ATP2B1: variants seen among roughly 807,000 people sequenced by gnomAD.
ATP2B1 encodes the protein ATPase plasma membrane Ca2+ transporting 1.
A neutral mutation model predicts 124.2 loss-of-function variants in ATP2B1; 14 were observed. The observed-to-expected ratio is 0.11, with a 90% CI of 0.07 to 0.18. The LOEUF is 0.18. Among genes scored for constraint, ATP2B1 ranks in the 10% least tolerant of loss-of-function variants. The pLI is 1.00. For synonymous variants in ATP2B1, 449 were observed against 492.4 expected (o/e 0.91, Z 1.17); for missense variants, 763 against 1,466.1 (o/e 0.52, Z 7.83).
intron 9 of ATP2B1, among the ~76,000 whole-genome samples, 172 bp downstream of exon 9, chr12:89,624,011 T>C (rs1337254852): frequency 6.6e-6 from 1 of 152,122 alleles, no homozygotes; most frequent in Non-Finnish European, 1.5e-5. Context: ...TTCAGAGATA[T>C]TCAACTGGTG....
At chr12:89,675,568 A>G (rs981160779) in intron 1 of ATP2B1, among the ~76,000 whole-genome samples, 12 of 152,220 alleles carry the variant, frequency 7.9e-5, no homozygotes, top group African/African-American at 2.9e-4. Flanking sequence ...TGTTAAATGA[A>G]TAAATGGCAC....
At chr12:89,700,604 G>T (rs533216031) in intron 1 of ATP2B1, among the ~76,000 whole-genome samples, 1 of 152,156 alleles carries the variant, frequency 6.6e-6, no homozygotes, top group East Asian at 1.9e-4. Context: ...TCATCCATGA[G>T]TGTCCCAGTA....
At chr12:89,604,049 C>G in intron 16 of ATP2B1, 106 bp downstream of exon 16, 1 of 1,405,146 alleles carries the variant, frequency 7.1e-7, no homozygotes, top group Non-Finnish European at 9.6e-7. Flanking sequence ...ATTAACTAAC[C>G]TAAAATATTA....
chr12:89,627,648 C>T (rs1013844099), intron 7 of ATP2B1, 30 bp downstream of exon 7: 2 of 1,608,936 alleles, frequency 1.2e-6, no homozygotes, highest in African/African-American at 2.7e-5. Context: ...TGAAAACAAG[C>T]TCACTGTACT....
intron 3 of ATP2B1, among the ~76,000 whole-genome samples, chr12:89,635,692 T>C (rs1292537125): frequency 3.3e-5 from 5 of 152,240 alleles, no homozygotes; most frequent in Admixed American, 6.5e-5. Context: ...TATTAATTAT[T>C]ACATATGATA....
intron 1 of ATP2B1, among the ~76,000 whole-genome samples, chr12:89,670,174 T>A (rs1887766814): frequency 6.6e-6 from 1 of 152,142 alleles, no homozygotes; most frequent in Non-Finnish European, 1.5e-5. Context: ...ATAGATATAA[T>A]CATGTAGAAC....
At chr12:89,623,144 T>C (rs887355408) in intron 9 of ATP2B1, among the ~76,000 whole-genome samples, 1 of 152,036 alleles carries the variant, frequency 6.6e-6, no homozygotes, top group Non-Finnish European at 1.5e-5. Context: ...GCAAAAAAAA[T>C]TCTTATCAAG....
chr12:89,677,169 TGCC>T (rs1212122506), intron 1 of ATP2B1, among the ~76,000 whole-genome samples: 1 of 152,182 alleles, frequency 6.6e-6, no homozygotes, highest in Non-Finnish European at 1.5e-5. Context: ...CCTTTGTCAC[TGCC>T]AAATGATACT....
chr12:89,645,772 T>C (rs1252259758), intron 2 of ATP2B1, among the ~76,000 whole-genome samples: 2 of 152,016 alleles, frequency 1.3e-5, no homozygotes, highest in African/African-American at 2.4e-5. Context: ...GGTAAGAACA[T>C]GGGGGCTAGG....
chr12:89,613,450 A>G (rs1257336036), intron 12 of ATP2B1, among the ~76,000 whole-genome samples: 1 of 152,180 alleles, frequency 6.6e-6, no homozygotes, highest in Non-Finnish European at 1.5e-5. Flanking sequence ...ACTCAAACTA[A>G]TATTTACTGA....
intron 1 of ATP2B1, among the ~76,000 whole-genome samples, chr12:89,660,395 G>C (rs1886559385): frequency 6.6e-6 from 1 of 152,064 alleles, no homozygotes; most frequent in Non-Finnish European, 1.5e-5. Context: ...AAACATAACT[G>C]TACAAATATG....
chr12:89,600,665 T>G (rs1206286407), intron 19 of ATP2B1, among the ~76,000 whole-genome samples: 1 of 147,258 alleles, frequency 6.8e-6, no homozygotes, highest in Non-Finnish European at 1.5e-5. Flanking sequence ...TTTTTTTTTT[T>G]GAGATGAAGT....
intron 20 of ATP2B1, chr12:89,594,304 CAG>C (rs1874151602): frequency 6.6e-6 from 1 of 151,844 alleles, no homozygotes; most frequent in Non-Finnish European, 1.5e-5. Context: ...AAAATTCTCA[CAG>C]TACAGTAACT....
chr12:89,609,553 AACT>A (rs1877601274), intron 15 of ATP2B1, among the ~76,000 whole-genome samples: 1 of 152,214 alleles, frequency 6.6e-6, no homozygotes, highest in Non-Finnish European at 1.5e-5. Flanking sequence ...ACTGAAGAGT[AACT>A]GAGTAGATGA....
rs962644480 is a variant in ATP2B1 at position 89,620,340 on chromosome 12, A to G, written c.1588-100T>C. 2.4e-5 allele frequency: 33 copies of G among 1,380,586 alleles called. No homozygotes were observed. In the African/African-American group the frequency reaches 4.4e-4, roughly 18 times the overall value. The allele number at this position is 1,380,586 out of a possible 1,614,324, so 85.5% of individuals were successfully genotyped here. On this transcript the variant is annotated intron_variant, in intron 10 of 20. Coordinates refer to ENST00000428670, the MANE Select transcript of ATP2B1 (RefSeq NM_001366521.1). Reference sequence around the variant, plus strand: ...GCGATATTCTAAAATAAAATTACAAAGCAATTGTCTAATATCAACATTTTA... The same window carrying G: ...GCGATATTCTAAAATAAAATTACAAGGCAATTGTCTAATATCAACATTTTA...
At chr12:89,666,520 G>C (rs1476355064) in intron 1 of ATP2B1, among the ~76,000 whole-genome samples, 1 of 152,158 alleles carries the variant, frequency 6.6e-6, no homozygotes, top group Non-Finnish European at 1.5e-5. Flanking sequence ...AGGTAGTCAA[G>C]ATCCTTTCTG....
chr12:89,602,530 A>C (rs531068367), intron 18 of ATP2B1, among the ~76,000 whole-genome samples: 2 of 152,108 alleles, frequency 1.3e-5, no homozygotes, highest in Non-Finnish European at 2.9e-5. Context: ...TAGATTTCCA[A>C]CTGCTTTGTT....
At chr12:89,665,335 C>T (rs1041970829) in intron 1 of ATP2B1, among the ~76,000 whole-genome samples, 5 of 152,072 alleles carry the variant, frequency 3.3e-5, no homozygotes, top group African/African-American at 1.2e-4. Context: ...TTGATACATT[C>T]TGAACATATG....
At chr12:89,670,855 A>G (rs1185789853) in intron 1 of ATP2B1, among the ~76,000 whole-genome samples, 2 of 151,816 alleles carry the variant, frequency 1.3e-5, no homozygotes, top group Non-Finnish European at 2.9e-5. Context: ...AGGAAAAATG[A>G]TACACTATAC....
Sources: allele counts gnomAD v4.1 joint callset (sites outside exome capture counted in the v4.1 genomes callset), GRCh38; gene constraint gnomAD v4.1.1; transcripts MANE v1.5; gene names NCBI Gene and HGNC (gene_info 2026-07-23, HGNC 2026-07-21).